CD33: variants seen among roughly 807,000 people sequenced by gnomAD.
CD33 encodes the protein CD33 molecule.
CD33 carries 25 observed loss-of-function variants against 31.4 expected under a neutral mutation model. The ratio of observed to expected loss-of-function variants is 0.80; its 90% CI spans 0.58 to 1.11. The LOEUF (loss-of-function observed/expected upper bound fraction) is 1.11, where lower values mean the gene tolerates loss of function less well. Ranked by LOEUF, CD33 falls within the 50% of genes most tolerant of loss-of-function variation. The pLI is 0.00. For missense variants in CD33, 407 were observed against 448.1 expected (o/e 0.91, Z 0.83); for synonymous variants, 176 against 180.6 (o/e 0.97, Z 0.20).
At position 51,226,017 on chromosome 19, in the gene CD33, C is replaced by G. The variant is rs1429430949; in HGVS notation, c.633C>G (p.Thr211=). 1.9e-6 allele frequency: 3 copies of G among 1,614,058 alleles called. No individual in the cohort carries two copies. Among genetic ancestry groups the G allele is most frequent in the Non-Finnish European group, 1.7e-6 (2 of 1,179,940 alleles). ...CCCAGGACCACGGCACCAACCTGAC[C>G]TGTCAGGTGAAGTTCGCTGGAGCTG... is the stretch of plus-strand genomic sequence containing the variant. The part of the protein sequence containing the change: ...PRPQDHGTNL[T]CQVKFAGAGV... The change falls in exon 3 of 7, where the codon ACC becomes ACG. Residue 211 remains threonine (T), a synonymous_variant. Coordinates refer to ENST00000262262, the MANE Select transcript of CD33 (RefSeq NM_001772.4).
upstream of CD33, among the ~76,000 whole-genome samples, chr19:51,224,906 C>A (rs1334056209): frequency 6.6e-6 from 1 of 152,198 alleles, no homozygotes; most frequent in Non-Finnish European, 1.5e-5. Context: ...CTCCTCCCAT[C>A]TCTGGGCGGG....
At chr19:51,229,629 A>C (rs1217690434) in intron 4 of CD33, among the ~76,000 whole-genome samples, 1 of 152,026 alleles carries the variant, frequency 6.6e-6, no homozygotes, top group Non-Finnish European at 1.5e-5. Flanking sequence ...TCGGTAGATT[A>C]TATGTGTCCA....
At chr19:51,214,343 A>ACT in the CD33 span, among the ~76,000 whole-genome samples, 1 of 151,690 alleles carries the variant, frequency 6.6e-6, no homozygotes, top group Admixed American at 6.6e-5. Context: ...GATTACAGGC[A>ACT]CATGCCAGCA....
In CD33 at chr19:51,225,898, G is replaced by A. The variant is rs774708369; in HGVS notation, c.514G>A (p.Gly172Arg). ...TCSVSWACEQGTPPIFSWLSA... is the reference protein window; with the variant it reads ...TCSVSWACEQRTPPIFSWLSA... ...CTCTGTGTCCTGGGCCTGTGAGCAG[G>A]GAACACCCCCGATCTTCTCCTGGTT... Residue 172 changes from glycine (G) to arginine (R), a missense_variant, in exon 3 of 7, where the codon GGA becomes AGA. Physicochemically the swap from Gly to Arg is moderately radical, Grantham distance 125. Coordinates refer to ENST00000262262, the MANE Select transcript of CD33 (RefSeq NM_001772.4). The A allele has an allele frequency of 6.2e-7, 1 of 1,614,014 alleles. No homozygotes were observed. Among genetic ancestry groups the A allele is most frequent in the South Asian group, 1.1e-5 (1 of 91,076 alleles).
intron 4 of CD33, among the ~76,000 whole-genome samples, chr19:51,230,730 T>G (rs1981342618): frequency 1.3e-5 from 2 of 152,248 alleles, no homozygotes; most frequent in African/African-American, 4.8e-5. Flanking sequence ...ATCTCTTCCT[T>G]TTCAGTCTAT....
At position 51,225,084 on chromosome 19, in the gene CD33, T is replaced by C. The variant is rs963766755; in HGVS notation, c.-35T>C. The C allele has an allele frequency of 6.2e-7, 1 of 1,612,998 alleles. No individual in the cohort carries two copies. Among genetic ancestry groups the C allele is most frequent in the Non-Finnish European group, 8.5e-7 (1 of 1,179,838 alleles). ...CCTCCACTCCCTTCCTCTTTTCTGC[T>C]CACACAGGAAGCCCTGGAAGCTGCT... On this transcript the variant is annotated 5_prime_UTR_variant, in exon 1 of 7. Coordinates refer to ENST00000262262, the MANE Select transcript of CD33 (RefSeq NM_001772.4).
the CD33 span, among the ~76,000 whole-genome samples, chr19:51,217,929 C>A: frequency 1.3e-5 from 2 of 152,140 alleles, no homozygotes; most frequent in Non-Finnish European, 2.9e-5. Flanking sequence ...TTTCTTTATC[C>A]AATCATCCAT....
rs542260907 is a variant in CD33 at position 51,226,015 on chromosome 19, A to T, written c.631A>T (p.Thr211Ser). ...PRPQDHGTNL[T>S]CQVKFAGAGV... ...GCCCCAGGACCACGGCACCAACCTGACCTGTCAGGTGAAGTTCGCTGGAGC... is the reference window on the plus strand; with the variant it reads ...GCCCCAGGACCACGGCACCAACCTGTCCTGTCAGGTGAAGTTCGCTGGAGC... The change falls in exon 3 of 7, where the codon ACC (threonine) becomes TCC (serine). Residue 211 changes from threonine (T) to serine (S), a missense_variant. Transcript: ENST00000262262. 5 of 1,614,046 alleles carry T rather than the reference A, an allele frequency of 3.1e-6. No homozygotes were observed. In the Admixed American group the frequency reaches 6.7e-5, roughly 22 times the overall value.
chr19:51,211,503 G>A, the CD33 span: 2 of 1,546,858 alleles, frequency 1.3e-6, no homozygotes, highest in Non-Finnish European at 8.7e-7. Flanking sequence ...CCAGGAGGAG[G>A]GATAATCGTT....
In CD33 at chr19:51,232,435, T is replaced by C. The variant is rs547204530; in HGVS notation, c.746-2722T>C. 7.2e-5 allele frequency among the ~76,000 whole-genome samples: 11 copies of C among 152,328 alleles called. No homozygotes were observed. The East Asian group carries it at 2.1e-3, about 29-fold the overall frequency. The stretch of plus-strand genomic sequence containing the variant: ...GTACTTTGAGCTTCCTGGACCTGGA[T>C]GTCCTTCTAGTTCCCAAGGCTTGGG... On this transcript the variant is annotated intron_variant, in intron 4 of 6. Transcript: ENST00000262262.
At chr19:51,225,662 G>A (rs1256280743) in intron 2 of CD33, 64 bp downstream of exon 2, 5 of 1,534,464 alleles carry the variant, frequency 3.3e-6, no homozygotes, top group East Asian at 2.3e-5. Context: ...GCAGGGCTGG[G>A]ATGGGACCCT....
intron 4 of CD33, among the ~76,000 whole-genome samples, chr19:51,230,194 G>C (rs1981306898): frequency 6.6e-6 from 1 of 151,378 alleles, no homozygotes; most frequent in Non-Finnish European, 1.5e-5. Flanking sequence ...CCTTGGTATT[G>C]ATTTTTAGTT....
At position 51,225,351 on chromosome 19, in the gene CD33, T is replaced by C. The variant is rs140532467; in HGVS notation, c.171T>C (p.His57=). ...ACTACGACAAGAACTCCCCAGTTCA[T>C]GGTTACTGGTTCCGGGAAGGAGCCA... is the stretch of plus-strand genomic sequence containing the variant. The part of the protein sequence containing the change: ...IPYYDKNSPV[H]GYWFREGAII... Residue 57 remains histidine (H), a synonymous_variant, in exon 2 of 7, where the codon CAT becomes CAC. Transcript: ENST00000262262. The C allele has an allele frequency of 3.5e-5, 56 of 1,614,188 alleles. No homozygotes were observed. In the African/African-American group the frequency reaches 5.9e-4, roughly 17 times the overall value.
intron 5 of CD33, 56 bp from the exon 6 acceptor site, chr19:51,235,539 C>T (rs984012913): frequency 6.4e-7 from 1 of 1,567,582 alleles, no homozygotes; most frequent in Non-Finnish European, 8.7e-7. Context: ...AGGCTCATAA[C>T]AATGGCCCCA....
At chr19:51,233,849 G>A (rs554547986) in intron 4 of CD33, among the ~76,000 whole-genome samples, 1 of 152,280 alleles carries the variant, frequency 6.6e-6, no homozygotes, top group East Asian at 1.9e-4. Flanking sequence ...CCTCCATGCT[G>A]CCCTCCTGGG....
intron 4 of CD33, among the ~76,000 whole-genome samples, chr19:51,229,115 A>AACAC (rs1259587918): frequency 6.6e-6 from 1 of 152,182 alleles, no homozygotes; most frequent in Non-Finnish European, 1.5e-5. Flanking sequence ...ATTGAATTTT[A>AACAC]ACACATGCTT....
the CD33 span, among the ~76,000 whole-genome samples, chr19:51,216,149 A>G: frequency 5.3e-5 from 8 of 151,590 alleles, no homozygotes; most frequent in East Asian, 1.4e-3. Context: ...CCGTTTCCTG[A>G]AATGCCCTTC....
At chr19:51,235,914 C>A (rs973564665) in intron 6 of CD33, 3 of 701,200 alleles carry the variant, frequency 4.3e-6, no homozygotes, top group African/African-American at 1.7e-5. Context: ...ATCCCAGCAC[C>A]TTTGGAGGCC....
chr19:51,239,428 G>A, intron 6 of CD33, 90 bp from the exon 7 acceptor site: 1 of 896,760 alleles, frequency 1.1e-6, no homozygotes. Flanking sequence ...TGTTCTGTCA[G>A]AGTCAAATTT....
Sources: allele counts gnomAD v4.1 joint callset (sites outside exome capture counted in the v4.1 genomes callset), GRCh38; gene constraint gnomAD v4.1.1; transcripts MANE v1.5; gene names NCBI Gene and HGNC (gene_info 2026-07-23, HGNC 2026-07-21).